ATRNL1: variants seen among roughly 807,000 people sequenced by gnomAD.
The protein encoded by ATRNL1 is attractin like 1, also known as attractin-like protein 1.
A neutral mutation model predicts 182.7 loss-of-function variants in ATRNL1; 95 were observed. That is an observed-to-expected ratio of 0.52 (90% CI 0.44 to 0.62). The LOEUF (loss-of-function observed/expected upper bound fraction) is 0.62, where lower values mean the gene tolerates loss of function less well. ATRNL1 is among the 20% of genes least tolerant of loss of function. The pLI, the probability that ATRNL1 is intolerant of heterozygous loss-of-function variation, is 0.00. For synonymous variants in ATRNL1, 576 were observed against 568.3 expected (o/e 1.01, Z -0.19); for missense variants, 1,471 against 1,679.5 (o/e 0.88, Z 2.17).
intron 27 of ATRNL1, among the ~76,000 whole-genome samples, chr10:115,733,866 A>T (rs1298675731): frequency 6.6e-6 from 1 of 152,166 alleles, no homozygotes; most frequent in African/African-American, 2.4e-5. Flanking sequence ...GATATAATAC[A>T]AATTAAAATA....
chr10:115,351,773 GT>G (rs782547432), intron 19 of ATRNL1, among the ~76,000 whole-genome samples: 21 of 38,418 alleles, frequency 5.5e-4, no homozygotes, highest in Non-Finnish European at 1.6e-3. Flanking sequence ...TGTTTTGTTT[GT>G]GTTTTTGTTT....
At chr10:115,772,660 C>T (rs1324480697) in intron 27 of ATRNL1, among the ~76,000 whole-genome samples, 1 of 143,120 alleles carries the variant, frequency 7.0e-6, no homozygotes, top group African/African-American at 2.6e-5. Context: ...TTTCCCTGGA[C>T]AATTTAAGTA....
intron 27 of ATRNL1, among the ~76,000 whole-genome samples, chr10:115,821,833 T>C (rs1555090486): frequency 6.6e-6 from 1 of 152,156 alleles, no homozygotes; most frequent in African/African-American, 2.4e-5. Context: ...ACAATAATAG[T>C]GGGACACTTT....
intron 18 of ATRNL1, among the ~76,000 whole-genome samples, chr10:115,327,517 A>T (rs1232333820): frequency 6.7e-6 from 1 of 149,036 alleles, no homozygotes; most frequent in African/African-American, 2.4e-5. Context: ...CCATTGTGGA[A>T]GTCAGTGTGG....
intron 3 of ATRNL1, among the ~76,000 whole-genome samples, chr10:115,126,138 A>G (rs1207397458): frequency 6.6e-6 from 1 of 151,230 alleles, no homozygotes; most frequent in Admixed American, 6.6e-5. Context: ...GCTCACTGCA[A>G]CCTCCACCTC....
intron 26 of ATRNL1, among the ~76,000 whole-genome samples, chr10:115,554,529 C>G (rs1021320970): frequency 2.6e-5 from 4 of 151,452 alleles, no homozygotes; most frequent in African/African-American, 9.7e-5. Flanking sequence ...ATATTATAGA[C>G]AAATTGATAA....
At chr10:115,149,380 T>A (rs1197742630) in intron 5 of ATRNL1, among the ~76,000 whole-genome samples, 4 of 152,132 alleles carry the variant, frequency 2.6e-5, no homozygotes, top group African/African-American at 7.2e-5. Context: ...TGTTTTTTTT[T>A]AAAAGGAAAT....
At chr10:115,326,616 A>G (rs28871112) in intron 18 of ATRNL1, among the ~76,000 whole-genome samples, 1,714 of 151,406 alleles carry the variant, frequency 0.011, 25 homozygotes, top group African/African-American at 0.039. Context: ...AAAAGAGCCC[A>G]CATCGCCAAG....
intron 26 of ATRNL1, among the ~76,000 whole-genome samples, chr10:115,659,000 A>G (rs1195258062): frequency 2.6e-5 from 4 of 152,232 alleles, no homozygotes; most frequent in Non-Finnish European, 5.9e-5. Context: ...AAGCTCTCAT[A>G]AGAATGTACT....
intron 28 of ATRNL1, among the ~76,000 whole-genome samples, chr10:115,849,812 C>A (rs1951013341): frequency 6.6e-6 from 1 of 152,130 alleles, no homozygotes; most frequent in Non-Finnish European, 1.5e-5. Context: ...ATACTTACTG[C>A]TAGCATTCCA....
Position 115,825,183 on chromosome 10 carries a change from T to G in ATRNL1, c.3904-22694T>G, listed in dbSNP as rs368974395. 4.8e-4 allele frequency among the ~76,000 whole-genome samples: 73 copies of G among 151,876 alleles called. 2 individuals carry two copies. In the East Asian group the frequency reaches 0.011, roughly 23 times the overall value. ...CTCAACATCAAACTAACACAGGAAC[T>G]GAAAACCAAACATCGCATGTTCTCA... On this transcript the variant is annotated intron_variant, in intron 27 of 28. Transcript: ENST00000355044.
intron 26 of ATRNL1, among the ~76,000 whole-genome samples, chr10:115,662,612 G>T (rs1165129871): frequency 3.3e-5 from 5 of 151,988 alleles, no homozygotes; most frequent in Non-Finnish European, 7.4e-5. Context: ...AGAATTTTTG[G>T]TAAAATGCTT....
chr10:115,680,081 T>A (rs1358257620), intron 26 of ATRNL1, among the ~76,000 whole-genome samples: 13 of 152,134 alleles, frequency 8.5e-5, no homozygotes, highest in African/African-American at 3.1e-4. Flanking sequence ...TTTCTCATAA[T>A]CTGCCTGCTA....
intron 27 of ATRNL1, among the ~76,000 whole-genome samples, chr10:115,840,856 C>G (rs924476578): frequency 2.6e-5 from 4 of 152,056 alleles, no homozygotes; most frequent in South Asian, 4.2e-4. Context: ...AAAAAAAAGC[C>G]TAAGTCTGGG....
intron 18 of ATRNL1, among the ~76,000 whole-genome samples, chr10:115,331,120 T>C (rs1203851976): frequency 6.6e-6 from 1 of 151,790 alleles, no homozygotes; most frequent in Non-Finnish European, 1.5e-5. Flanking sequence ...AGTGCAGTGG[T>C]GCAATCTCGG....
intron 24 of ATRNL1, among the ~76,000 whole-genome samples, chr10:115,518,142 T>A (rs1850732720): frequency 6.6e-6 from 1 of 151,962 alleles, no homozygotes; most frequent in South Asian, 2.1e-4. Flanking sequence ...CTTAGTGTTC[T>A]TTCCTTGCAC....
chr10:115,622,634 A>G (rs1857839465), intron 26 of ATRNL1, among the ~76,000 whole-genome samples: 1 of 150,872 alleles, frequency 6.6e-6, no homozygotes, highest in Admixed American at 6.7e-5. Flanking sequence ...ATTATGTAAA[A>G]TAGAATTTAG....
At chr10:115,318,881 C>T (rs1854440996) in intron 18 of ATRNL1, among the ~76,000 whole-genome samples, 1 of 151,968 alleles carries the variant, frequency 6.6e-6, no homozygotes, top group Non-Finnish European at 1.5e-5. Context: ...TTTTTCATGT[C>T]TCTATCTCTT....
Position 115,531,970 on chromosome 10 carries a change from T to C in ATRNL1, c.3716+12646T>C, listed in dbSNP as rs554530597. ...GCGGCATTATTTCTGAGGGCTCTGT[T>C]CTGTTCCATTGATCTATATCTCTGT... On this transcript the variant is annotated intron_variant, in intron 25 of 28. Transcript: ENST00000355044. Among the ~76,000 whole-genome samples, 1,235 of 149,498 alleles carry C rather than the reference T, an allele frequency of 8.3e-3. 15 individuals carry two copies. The highest frequency in any genetic ancestry group is 0.029 in the African/African-American group (1,177 of 41,106).
Sources: gnomAD v4.1 joint callset for allele counts (sites outside exome capture counted in the v4.1 genomes callset) on GRCh38, gnomAD v4.1.1 for gene constraint, MANE v1.5 for transcripts, NCBI Gene and HGNC (gene_info 2026-07-23, HGNC 2026-07-21) for gene names.